Variants in TNS1 observed in about 807,000 individuals in gnomAD.
The protein encoded by TNS1 is tensin-1.
A neutral mutation model predicts 168.6 loss-of-function variants in TNS1; 62 were observed. The observed-to-expected ratio is 0.37, with a 90% CI of 0.30 to 0.45. The LOEUF (loss-of-function observed/expected upper bound fraction) is 0.45, where lower values mean the gene tolerates loss of function less well. Among genes scored for constraint, TNS1 ranks in the 20% least tolerant of loss-of-function variants. TNS1 has a pLI of 1.00. For missense variants in TNS1, 2,240 were observed against 2,339.4 expected (o/e 0.96, Z 0.88); for synonymous variants, 934 against 933.2 (o/e 1.00, Z -0.02).
intron 3 of TNS1, among the ~76,000 whole-genome samples, chr2:217,950,623 C>T (rs944121710): frequency 2.0e-5 from 3 of 149,898 alleles, no homozygotes; most frequent in African/African-American, 2.5e-5. Flanking sequence ...TAGGCCTCCC[C>T]TCCTGCCACC....
chr2:217,975,874 G>T (rs1013010482), intron 3 of TNS1, among the ~76,000 whole-genome samples: 2 of 152,120 alleles, frequency 1.3e-5, no homozygotes, highest in Non-Finnish European at 2.9e-5. Flanking sequence ...GCAGCCTCTT[G>T]GCCCATGTCC....
intron 19 of TNS1, among the ~76,000 whole-genome samples, chr2:217,836,615 C>T: frequency 6.6e-6 from 1 of 152,186 alleles, no homozygotes; most frequent in East Asian, 1.9e-4. Context: ...AACATCAAGC[C>T]TGTGGGGAAG....
chr2:218,003,538 C>T (rs1291500847), upstream of TNS1, among the ~76,000 whole-genome samples: 3 of 152,138 alleles, frequency 2.0e-5, no homozygotes, highest in Non-Finnish European at 4.4e-5. Flanking sequence ...CAGGACAGGC[C>T]TTAACACAGA....
At chr2:217,881,120 G>C in intron 17 of TNS1, 106 bp from the exon 18 acceptor site, 2 of 775,146 alleles carry the variant, frequency 2.6e-6, no homozygotes, top group Non-Finnish European at 4.3e-6. Flanking sequence ...CCCAAAAGAG[G>C]CTCCCTGAGG....
intron 18 of TNS1, among the ~76,000 whole-genome samples, chr2:217,870,006 T>C (rs1949636157): frequency 6.6e-6 from 1 of 152,180 alleles, no homozygotes; most frequent in Non-Finnish European, 1.5e-5. Flanking sequence ...AGAGCAATTG[T>C]GTGAGGAAGC....
chr2:217,988,322 T>G (rs1289102954), intron 2 of TNS1, among the ~76,000 whole-genome samples: 1 of 152,026 alleles, frequency 6.6e-6, no homozygotes, highest in Admixed American at 6.6e-5. Flanking sequence ...TGGGGTCAAA[T>G]CCTCTCCTCA....
At chr2:217,993,678 A>G (rs76681247) in intron 1 of TNS1, among the ~76,000 whole-genome samples, 9,804 of 152,294 alleles carry the variant, frequency 0.064, 629 homozygotes, top group African/African-American at 0.17. Context: ...CTTCTGAACC[A>G]GATTCTGTTG....
chr2:217,947,403 G>A (rs569124652), intron 3 of TNS1, among the ~76,000 whole-genome samples: 5 of 152,160 alleles, frequency 3.3e-5, no homozygotes, highest in Admixed American at 2.6e-4. Flanking sequence ...TCGAGCAGGC[G>A]CCCAGTGGAT....
rs187403005 is a variant in TNS1 at position 217,817,739 on chromosome 2, G to A, written c.4593C>T (p.Thr1531=). The A allele has an allele frequency of 4.1e-4, 665 of 1,609,394 alleles. 1 individual carries two copies. The Middle Eastern group carries it at 4.3e-3, about 10-fold the overall frequency. ...CGGGCAGAGTGTGGGAGAAGGAGAC[G>A]GTGCTGCCCCCACTGGGACTGGACA... ...SGMSSPSGGS[T]VSFSHTLPDF... The change falls in exon 24 of 33, where the codon ACC becomes ACT. Residue 1531 remains threonine (T), a synonymous_variant. Transcript: ENST00000682258.
intron 3 of TNS1, among the ~76,000 whole-genome samples, chr2:217,966,419 C>T (rs576416181): frequency 7.9e-5 from 12 of 152,244 alleles, no homozygotes; most frequent in African/African-American, 2.9e-4. Flanking sequence ...AGTAGCTTCT[C>T]CCCCAAAACC....
At chr2:217,990,812 A>C in intron 2 of TNS1, 130 bp downstream of exon 2, 2 of 258,508 alleles carry the variant, frequency 7.7e-6, no homozygotes, top group Non-Finnish European at 1.5e-5. Flanking sequence ...ATCCTCCACC[A>C]GATGAGAACA....
At chr2:217,867,916 A>G (rs1283912111) in intron 18 of TNS1, among the ~76,000 whole-genome samples, 2 of 152,090 alleles carry the variant, frequency 1.3e-5, no homozygotes, top group African/African-American at 4.8e-5. Context: ...ACTCTGCTCC[A>G]TTTTTTGCCA....
intron 31 of TNS1, among the ~76,000 whole-genome samples, chr2:217,808,373 G>A (rs1391685355): frequency 2.6e-5 from 4 of 152,142 alleles, no homozygotes; most frequent in Admixed American, 6.5e-5. Flanking sequence ...TCAGGGCATG[G>A]CAGAGGGGGT....
chr2:217,848,174 C>T lies in TNS1; in HGVS notation c.2343G>A (p.Gln781=). 1 of 1,602,362 alleles carries T rather than the reference C, an allele frequency of 6.2e-7. No homozygotes were observed. Among genetic ancestry groups the T allele is most frequent in the Non-Finnish European group, 8.5e-7 (1 of 1,174,426 alleles). The change falls in exon 19 of 33, where the codon CAG becomes CAA. Residue 781 remains glutamine, a synonymous_variant. Coordinates refer to ENST00000682258, the MANE Select transcript of TNS1 (RefSeq NM_001387777.1). ...GTGGAGGTGGGCGAGGCTGCTGCTG[C>T]TGCTGCTGCTGCTGCTGCCACGAAT... The part of the protein sequence containing the change: ...GLNSWQQQQQ[Q]QQQPRPPPRQ...
At chr2:217,902,473 G>A (rs1953118406) in intron 6 of TNS1, among the ~76,000 whole-genome samples, 1 of 152,156 alleles carries the variant, frequency 6.6e-6, no homozygotes, top group Non-Finnish European at 1.5e-5. Context: ...GGGCTTGGCA[G>A]GGGGAACTGG....
At chr2:217,917,570 G>A (rs1287684458) in intron 4 of TNS1, among the ~76,000 whole-genome samples, 5 of 152,066 alleles carry the variant, frequency 3.3e-5, no homozygotes, top group Non-Finnish European at 7.4e-5. Context: ...AGTAGCTCAC[G>A]CCTGTAATCC....
At chr2:217,927,586 G>C (rs1437453134) in intron 3 of TNS1, among the ~76,000 whole-genome samples, 1 of 152,144 alleles carries the variant, frequency 6.6e-6, no homozygotes, top group Non-Finnish European at 1.5e-5. Context: ...ATAACAATAA[G>C]GGGAAGGAGA....
At chr2:217,934,477 C>T (rs542874219) in intron 3 of TNS1, among the ~76,000 whole-genome samples, 55 of 152,302 alleles carry the variant, frequency 3.6e-4, no homozygotes, top group African/African-American at 1.3e-3. Context: ...AGCCATTACT[C>T]ACAACTGTTA....
rs112371945 is a variant in TNS1, at chr2:217,821,920, T to A, written c.3392A>T (p.Glu1131Val). ...AGCCACCGCTGTCCGTGCCACAGAC[T>A]CCACATAGCTCCGGGGCTCTGGAAG... is the stretch of plus-strand genomic sequence containing the variant. ...HPTGEPRSYVESVARTAVAGP... is the reference protein window; with the variant it reads ...HPTGEPRSYVVSVARTAVAGP... The change falls in exon 23 of 33, where the codon GAG becomes GTG. Residue 1131 changes from glutamate (E) to valine (V), a missense_variant. Around this residue, in one of 2 missense-constraint regions of TNS1, gnomAD observed 2,131 missense variants for 2,171.2 expected, o/e 0.98. Transcript: ENST00000682258. 1.4e-3 allele frequency: 2,239 copies of A among 1,586,560 alleles called. 9 individuals carry two copies. Among genetic ancestry groups the A allele is most frequent in the Non-Finnish European group, 1.2e-3 (1,430 of 1,167,034 alleles).
Sources: gnomAD v4.1 joint callset for allele counts (sites outside exome capture counted in the v4.1 genomes callset) on GRCh38, gnomAD v4.1.1 for gene constraint, gnomAD v4.1.1 regional missense constraint, MANE v1.5 for transcripts, NCBI Gene and HGNC (gene_info 2026-07-23, HGNC 2026-07-21) for gene names.